SYT9: variants seen among roughly 807,000 people sequenced by gnomAD.
SYT9 encodes synaptotagmin 9.
SYT9 carries 22 observed loss-of-function variants against 48.4 expected under a neutral mutation model. The ratio of observed to expected loss-of-function variants is 0.45; its 90% CI spans 0.32 to 0.65. The LOEUF (loss-of-function observed/expected upper bound fraction) is 0.65, where lower values mean the gene tolerates loss of function less well. Ranked by LOEUF, SYT9 falls within the 30% of genes least tolerant of loss-of-function variation. SYT9 has a pLI of 0.03. For synonymous variants in SYT9, 265 were observed against 245.0 expected, an observed-to-expected ratio of 1.08 and a Z score of -0.76; for missense variants, 577 against 622.0, an observed-to-expected ratio of 0.93 and a Z score of 0.77.
At chr11:7,255,646 G>A (rs528776309) in intron 1 of SYT9, among the ~76,000 whole-genome samples, 1 of 152,114 alleles carries the variant, frequency 6.6e-6, no homozygotes, top group Admixed American at 6.5e-5. Context: ...AGATGTGAAA[G>A]GTGAGAGAAG....
intron 6 of SYT9, among the ~76,000 whole-genome samples, chr11:7,452,746 G>C (rs1424123165): frequency 3.9e-5 from 6 of 152,042 alleles, no homozygotes; most frequent in Non-Finnish European, 8.8e-5. Flanking sequence ...CCTGAGTCAA[G>C]TAGAATGCTT....
intron 6 of SYT9, among the ~76,000 whole-genome samples, chr11:7,443,371 T>C (rs1473724552): frequency 6.6e-6 from 1 of 152,258 alleles, no homozygotes; most frequent in Non-Finnish European, 1.5e-5. Context: ...TACTGTATTC[T>C]GTCTTAGTCA....
intron 3 of SYT9, among the ~76,000 whole-genome samples, chr11:7,366,498 C>T (rs1850246762): frequency 6.6e-6 from 1 of 152,192 alleles, no homozygotes; most frequent in African/African-American, 2.4e-5. Flanking sequence ...AATTAATGGA[C>T]ATCCACATCT....
At chr11:7,277,386 T>A (rs890503555) in intron 1 of SYT9, among the ~76,000 whole-genome samples, 2 of 152,222 alleles carry the variant, frequency 1.3e-5, no homozygotes, top group African/African-American at 2.4e-5. Context: ...TACTGAACAT[T>A]GCATTGTTGC....
intron 6 of SYT9, among the ~76,000 whole-genome samples, chr11:7,461,653 G>T (rs556446127): frequency 6.6e-6 from 1 of 152,218 alleles, no homozygotes; most frequent in African/African-American, 2.4e-5. Flanking sequence ...GATTACAGGC[G>T]TGAGCCACAG....
intron 1 of SYT9, among the ~76,000 whole-genome samples, chr11:7,269,179 T>C (rs1017992328): frequency 6.6e-6 from 1 of 151,962 alleles, no homozygotes; most frequent in African/African-American, 2.4e-5. Context: ...GACATGGCAA[T>C]ATAGTATCTG....
intron 2 of SYT9, among the ~76,000 whole-genome samples, chr11:7,309,363 A>G (rs1279601775): frequency 6.6e-6 from 1 of 152,130 alleles, no homozygotes; most frequent in Non-Finnish European, 1.5e-5. Flanking sequence ...TTCACTGTGC[A>G]CATTAAGTCC....
chr11:7,432,585 ATATATACATATATATATATAT>A lies in SYT9; in HGVS notation c.1467+11951_1467+11971del. 3.4e-3 allele frequency among the ~76,000 whole-genome samples: 9 copies of A among 2,652 alleles called. 1 individual carries two copies. The highest frequency in any genetic ancestry group is 5.7e-3 in the Non-Finnish European group (8 of 1,402). 1.7% of individuals were successfully genotyped at this position (2,652 alleles called of 152,430 possible). A position where few individuals can be genotyped will look rare whatever the true frequency, so the allele number is the denominator to read the frequency against. ...AAAAAAAAAAAAAAAAAAAAAAAAT[ATATATACATATATATATATAT>A]ATATATATATATATATATATATATA... On this transcript the variant is annotated intron_variant, in intron 6 of 6. Transcript: ENST00000318881.
chr11:7,270,672 T>C (rs1848277457), intron 1 of SYT9, among the ~76,000 whole-genome samples: 1 of 152,200 alleles, frequency 6.6e-6, no homozygotes, highest in Admixed American at 6.5e-5. Flanking sequence ...GTTAATATCT[T>C]CTGATTTAAC....
chr11:7,423,661 G>A (rs1590018448), intron 6 of SYT9, among the ~76,000 whole-genome samples: 3 of 152,272 alleles, frequency 2.0e-5, no homozygotes, highest in Admixed American at 1.3e-4. Flanking sequence ...GGGCTGCTGT[G>A]TGTCCTTATG....
At chr11:7,356,452 G>C (rs1850022436) in intron 3 of SYT9, among the ~76,000 whole-genome samples, 1 of 152,152 alleles carries the variant, frequency 6.6e-6, no homozygotes, top group Non-Finnish European at 1.5e-5. Flanking sequence ...CCCTTCTGCT[G>C]GTTCTGTTTT....
intron 6 of SYT9, among the ~76,000 whole-genome samples, chr11:7,432,320 G>A (rs1364107474): frequency 6.6e-6 from 1 of 152,030 alleles, no homozygotes; most frequent in Non-Finnish European, 1.5e-5. Flanking sequence ...GCCAAGGCAG[G>A]TGGATCAGTT....
At chr11:7,362,248 G>A (rs1850153216) in intron 3 of SYT9, among the ~76,000 whole-genome samples, 1 of 151,416 alleles carries the variant, frequency 6.6e-6, no homozygotes, top group Non-Finnish European at 1.5e-5. Context: ...GGGTTCAAGT[G>A]ATTCTCCTGC....
chr11:7,309,943 T>C (rs1328897623), intron 2 of SYT9, among the ~76,000 whole-genome samples: 1 of 152,218 alleles, frequency 6.6e-6, no homozygotes, highest in Non-Finnish European at 1.5e-5. Context: ...TGAGAACCTG[T>C]CATGCCCAGT....
intron 3 of SYT9, among the ~76,000 whole-genome samples, chr11:7,394,305 A>T (rs1036878255): frequency 1.3e-5 from 2 of 152,028 alleles, no homozygotes; most frequent in Non-Finnish European, 2.9e-5. Context: ...CATTTTTTAT[A>T]GGTGCATAGT....
chr11:7,352,127 G>A (rs1204987192), intron 3 of SYT9, among the ~76,000 whole-genome samples: 8 of 152,206 alleles, frequency 5.3e-5, no homozygotes, highest in Admixed American at 5.2e-4. Context: ...GGAAATATAT[G>A]TGTTTGTGAA....
intron 1 of SYT9, among the ~76,000 whole-genome samples, chr11:7,269,926 A>G (rs992419320): frequency 2.0e-5 from 3 of 152,192 alleles, no homozygotes; most frequent in African/African-American, 7.2e-5. Flanking sequence ...CAAAAACCAT[A>G]AAAGACAAGG....
At chr11:7,452,954 G>T (rs1848083969) in intron 6 of SYT9, among the ~76,000 whole-genome samples, 1 of 152,030 alleles carries the variant, frequency 6.6e-6, no homozygotes, top group Admixed American at 6.5e-5. Flanking sequence ...AGCTAATTTT[G>T]TATTTTTAGT....
chr11:7,247,662 G>A (rs1271211146), upstream of SYT9, among the ~76,000 whole-genome samples: 5 of 128,852 alleles, frequency 3.9e-5, no homozygotes, highest in South Asian at 2.4e-4. Context: ...ATATACATAT[G>A]TATATATACG....
Sources: allele counts gnomAD v4.1 joint callset (sites outside exome capture counted in the v4.1 genomes callset), GRCh38; gene constraint gnomAD v4.1.1; transcripts MANE v1.5; gene names NCBI Gene and HGNC (gene_info 2026-07-23, HGNC 2026-07-21).